Variants in CTPS2 observed in about 807,000 individuals in gnomAD.
The protein encoded by CTPS2 is CTP synthase 2.
CTPS2 carries 19 observed loss-of-function variants against 46.8 expected under a neutral mutation model. The observed-to-expected ratio is 0.41, with a 90% CI of 0.28 to 0.60. The LOEUF is 0.60. Ranked by LOEUF, CTPS2 falls within the 20% of genes least tolerant of loss-of-function variation. CTPS2 has a pLI of 0.35. For missense variants in CTPS2, 286 were observed against 447.6 expected (o/e 0.64, Z 3.26); for synonymous variants, 151 against 165.2 (o/e 0.91, Z 0.66).
rs746359698 is a variant in CTPS2 at position 16,620,263 on chromosome X, C to T, written c.1449+14G>A. On this transcript the variant is annotated intron_variant, in intron 15 of 18. Transcript: ENST00000359276. ...GCATCCATATTCCCCAGTAATTCAG[C>T]ATGAAAGCCGTACCTCGAACCGATG... 8.3e-5 allele frequency: 98 copies of T among 1,177,764 alleles called. No homozygotes were observed. Among genetic ancestry groups the T allele is most frequent in the South Asian group, 4.9e-4 (27 of 55,402 alleles).
chrX:16,685,829 T>C (rs1417928036), intron 8 of CTPS2, among the ~76,000 whole-genome samples: 13 of 91,480 alleles, frequency 1.4e-4, no homozygotes, highest in Non-Finnish European at 2.5e-4. Context: ...ATCGCACCAC[T>C]GCACTCCAGC....
At chrX:16,643,785 C>G (rs962945344) in intron 13 of CTPS2, among the ~76,000 whole-genome samples, 1 of 110,786 alleles carries the variant, frequency 9.0e-6, no homozygotes, top group Non-Finnish European at 1.9e-5. Context: ...GTATTCGAAC[C>G]TGTAGCTTCT....
At chrX:16,687,771 T>C (rs1923355355) in intron 8 of CTPS2, among the ~76,000 whole-genome samples, 1 of 111,204 alleles carries the variant, frequency 9.0e-6, no homozygotes. Flanking sequence ...CAAGAGAGCC[T>C]CAATCTGATT....
chrX:16,669,340 A>G (rs746669228), intron 11 of CTPS2, among the ~76,000 whole-genome samples: 1 of 107,308 alleles, frequency 9.3e-6, no homozygotes, highest in Non-Finnish European at 1.9e-5. Flanking sequence ...AGATGTACAC[A>G]GGGGAAACAA....
rs1052850168 is a variant in CTPS2, at chrX:16,588,999, C to T, written c.*818G>A. On this transcript the variant is annotated 3_prime_UTR_variant, in exon 19 of 19. Transcript: ENST00000359276. ...CATGCCAGAAATCACAGTCAAAATG[C>T]AGTCGAAACTTTGTTTCATGCACAA... 3.6e-5 allele frequency: 4 copies of T among 112,148 alleles called. No homozygotes were observed. The highest frequency in any genetic ancestry group is 1.3e-4 in the African/African-American group (4 of 30,885). 9.2% of individuals were successfully genotyped at this position (112,148 alleles called of 1,213,427 possible). A position where few individuals can be genotyped will look rare whatever the true frequency, so the allele number is the denominator to read the frequency against.
intron 15 of CTPS2, among the ~76,000 whole-genome samples, chrX:16,619,055 A>T (rs569243747): frequency 3.6e-5 from 4 of 112,393 alleles, no homozygotes; most frequent in African/African-American, 9.7e-5. Context: ...AAAGCAGCTC[A>T]ATAATTTTTA....
At chrX:16,599,282 A>G (rs1929492062) in intron 17 of CTPS2, among the ~76,000 whole-genome samples, 1 of 111,299 alleles carries the variant, frequency 9.0e-6, no homozygotes, top group African/African-American at 3.3e-5. Flanking sequence ...AATGAAAATC[A>G]CAGCAAATAT....
chrX:16,692,874 A>G (rs1295991603), intron 6 of CTPS2, among the ~76,000 whole-genome samples: 3 of 109,923 alleles, frequency 2.7e-5, no homozygotes, highest in Non-Finnish European at 5.7e-5. Flanking sequence ...CCTAGCCAAC[A>G]TGACAAAACT....
chrX:16,676,040 T>C (rs1044235703), intron 10 of CTPS2, among the ~76,000 whole-genome samples: 1 of 112,477 alleles, frequency 8.9e-6, no homozygotes, highest in Non-Finnish European at 1.9e-5. Flanking sequence ...TTTGTTTCTC[T>C]CTACCTGATT....
intron 2 of CTPS2, among the ~76,000 whole-genome samples, chrX:16,702,415 TATACTC>T (rs1485418079): frequency 3.6e-5 from 4 of 112,359 alleles, no homozygotes; most frequent in Admixed American, 9.6e-5. Context: ...ATAAATCAAA[TATACTC>T]ATACATCAAA....
At position 16,588,379 on chromosome X, in the gene CTPS2, G is replaced by A. The variant is rs1928722970; in HGVS notation, c.*1438C>T. The stretch of plus-strand genomic sequence containing the variant: ...AAGGCCAGTTCCTGGAATTGTTTAA[G>A]TAAAAGACATGGTTAAGCATTATGA... On this transcript the variant is annotated 3_prime_UTR_variant, in exon 19 of 19. Coordinates refer to ENST00000359276, the MANE Select transcript of CTPS2 (RefSeq NM_175859.3). 8.9e-6 allele frequency: 1 copy of A among 112,124 alleles called. No homozygotes were observed. The highest frequency in any genetic ancestry group is 9.5e-5 in the Admixed American group (1 of 10,567). The allele number at this position is 112,124 out of a possible 1,213,427, so 9.2% of individuals were successfully genotyped here.
intron 17 of CTPS2, among the ~76,000 whole-genome samples, chrX:16,600,157 A>G (rs1336818175): frequency 8.9e-6 from 1 of 112,058 alleles, no homozygotes; most frequent in East Asian, 2.8e-4. Context: ...AATTCCCAAC[A>G]TAAGAAAACA....
At chrX:16,686,420 C>A (rs1024211258) in intron 8 of CTPS2, among the ~76,000 whole-genome samples, 14 of 111,438 alleles carry the variant, frequency 1.3e-4, no homozygotes, top group Non-Finnish European at 1.9e-4. Flanking sequence ...TGGCCCCCCC[C>A]CAAAGAAATT....
intron 2 of CTPS2, among the ~76,000 whole-genome samples, chrX:16,700,084 T>C (rs1183386177): frequency 1.0e-5 from 1 of 99,068 alleles, no homozygotes; most frequent in Non-Finnish European, 2.0e-5. Flanking sequence ...AGACATGTAC[T>C]ACCACGCCTG....
At chrX:16,711,604 T>C (rs1239518561) in intron 1 of CTPS2, 3 of 110,467 alleles carry the variant, frequency 2.7e-5, no homozygotes, top group African/African-American at 9.9e-5. Flanking sequence ...CTGGGGTGGA[T>C]TGACAGAAAG....
intron 14 of CTPS2, among the ~76,000 whole-genome samples, chrX:16,631,352 A>G (rs1428701102): frequency 9.3e-6 from 1 of 107,132 alleles, no homozygotes; most frequent in Non-Finnish European, 1.9e-5. Context: ...TGTCTCAAAA[A>G]AAAAAAAAAA....
At chrX:16,690,186 C>T (rs1050518177) in intron 7 of CTPS2, among the ~76,000 whole-genome samples, 14 of 110,109 alleles carry the variant, frequency 1.3e-4, no homozygotes, top group Admixed American at 1.1e-3. Context: ...GCCTGGCCAA[C>T]ATGGTGAAAC....
intron 8 of CTPS2, among the ~76,000 whole-genome samples, chrX:16,684,810 G>A (rs901251803): frequency 2.7e-5 from 3 of 111,852 alleles, no homozygotes; most frequent in Non-Finnish European, 5.6e-5. Flanking sequence ...CAGGTAACGG[G>A]CCGGGCGTGG....
intron 1 of CTPS2, among the ~76,000 whole-genome samples, chrX:16,711,100 T>G (rs1464077170): frequency 9.0e-6 from 1 of 111,287 alleles, no homozygotes; most frequent in South Asian, 3.8e-4. Flanking sequence ...TGTAGAGCTG[T>G]GCTGTCTCCA....
Sources: gnomAD v4.1 joint callset for allele counts (sites outside exome capture counted in the v4.1 genomes callset) on GRCh38, gnomAD v4.1.1 for gene constraint, MANE v1.5 for transcripts, NCBI Gene and HGNC (gene_info 2026-07-23, HGNC 2026-07-21) for gene names.